The following VAV1 variants were observed in gnomAD, a reference collection of about 807,000 sequenced individuals.
The protein encoded by VAV1 is vav guanine nucleotide exchange factor 1, also known as proto-oncogene vav.
Under a neutral mutation model 128.1 loss-of-function variants are expected in VAV1, and 33 were observed. That is an observed-to-expected ratio of 0.26 (90% CI 0.20 to 0.34). The LOEUF (loss-of-function observed/expected upper bound fraction) is 0.34. Ranked by LOEUF, VAV1 falls within the 10% of genes least tolerant of loss-of-function variation. The pLI is 1.00. For synonymous variants in VAV1, 394 were observed against 409.8 expected, an observed-to-expected ratio of 0.96 and a Z score of 0.47; for missense variants, 715 against 1,093.7, an observed-to-expected ratio of 0.65 and a Z score of 4.88.
chr19:6,774,932 T>C (rs1358378204), intron 1 of VAV1, among the ~76,000 whole-genome samples: 1 of 150,626 alleles, frequency 6.6e-6, no homozygotes, highest in Non-Finnish European at 1.5e-5. Flanking sequence ...TTTTTTTTTT[T>C]TTTTTGTATT....
chr19:6,854,088 T>A lies in VAV1; in HGVS notation c.2474T>A (p.Ile825Asn). The A allele has an allele frequency of 6.2e-7, 1 of 1,612,556 alleles. No individual in the cohort carries two copies. Among genetic ancestry groups the A allele is most frequent in the Non-Finnish European group, 8.5e-7 (1 of 1,179,782 alleles). The change falls in exon 26 of 27, where the codon ATC (isoleucine) becomes AAC (asparagine). Residue 825 changes from isoleucine to asparagine, a missense_variant. Ile to Asn is a moderately radical substitution (Grantham distance 149). Transcript: ENST00000602142. The part of the protein sequence containing the change: ...KGQQGWWRGE[I>N]YGRVGWFPAN... ...CAGCAAGGCTGGTGGCGAGGGGAGA[T>A]CTATGGCCGGGTGAGGCAGGCAGGG...
rs1001295949 is a variant in VAV1 at position 6,822,029 on chromosome 19, G to A, written c.449+170G>A. On this transcript the variant is annotated intron_variant, in intron 4 of 26. Transcript: ENST00000602142. The surrounding 1 kb of genome is among the most constrained non-coding windows in gnomAD (Gnocchi z 5.9). ...GACACAGCCCTGCCCTGGGGTCTTG[G>A]GGGACATGGCACTGTCCTGGGGTCT... Among the ~76,000 whole-genome samples, 2 of 151,360 alleles carry A rather than the reference G, an allele frequency of 1.3e-5. No homozygotes were observed. The highest frequency in any genetic ancestry group is 3.0e-5 in the Non-Finnish European group (2 of 67,606).
At chr19:6,790,169 C>T (rs1448727295) in intron 1 of VAV1, among the ~76,000 whole-genome samples, 1 of 148,622 alleles carries the variant, frequency 6.7e-6, no homozygotes, top group East Asian at 2.0e-4. Flanking sequence ...GAGAGTGAGA[C>T]TCTGTCTCAA....
Position 6,785,048 on chromosome 19 carries a change from C to T in VAV1, c.204+12037C>T, listed in dbSNP as rs866297917. 3.9e-5 allele frequency among the ~76,000 whole-genome samples: 6 copies of T among 152,342 alleles called. No homozygotes were observed. The Middle Eastern group carries it at 0.01, about 259-fold the overall frequency. On this transcript the variant is annotated intron_variant, in intron 1 of 26. Coordinates refer to ENST00000602142, the MANE Select transcript of VAV1 (RefSeq NM_005428.4). ...ATTGCTCTCTGCACCGCAGCCAAATCGGCCACCCAGCACAATCCAGCCTCA... is the reference window on the plus strand; with the variant it reads ...ATTGCTCTCTGCACCGCAGCCAAATTGGCCACCCAGCACAATCCAGCCTCA...
intron 1 of VAV1, among the ~76,000 whole-genome samples, chr19:6,805,613 C>CACACACACACACACACAT (rs1491037827): frequency 6.7e-6 from 1 of 149,384 alleles, no homozygotes; most frequent in Non-Finnish European, 1.5e-5. Flanking sequence ...CACACACACA[C>CACACACACACACACACAT]ATACACGCAC....
chr19:6,781,132 G>A (rs1335461137), intron 1 of VAV1, among the ~76,000 whole-genome samples: 1 of 151,176 alleles, frequency 6.6e-6, no homozygotes, highest in South Asian at 2.1e-4. Context: ...CAAACTCCTG[G>A]CCTCAAGAGA....
chr19:6,799,076 C>G (rs1036611831), intron 1 of VAV1, among the ~76,000 whole-genome samples: 8 of 152,124 alleles, frequency 5.3e-5, no homozygotes, highest in African/African-American at 1.9e-4. Context: ...CTGGTTCATC[C>G]ATGTTGTTGT....
chr19:6,814,686 T>TCCTTCCTTCCTTCCTTCCTTTC (rs1568299290), intron 1 of VAV1, among the ~76,000 whole-genome samples: 1 of 117,970 alleles, frequency 8.5e-6, no homozygotes, highest in African/African-American at 4.0e-5. Flanking sequence ...CTTTCTTTCT[T>TCCTTCCTTCCTTCCTTCCTTTC]TCTTTCTTTC....
chr19:6,774,921 A>AT (rs61404391), intron 1 of VAV1, among the ~76,000 whole-genome samples: 2,991 of 137,346 alleles, frequency 0.022, 76 homozygotes, highest in African/African-American at 0.06. Context: ...TGCCTGCCTA[A>AT]TTTTTTTTTT....
chr19:6,811,796 G>A (rs1318898188), intron 1 of VAV1, among the ~76,000 whole-genome samples: 2 of 152,176 alleles, frequency 1.3e-5, no homozygotes, highest in Non-Finnish European at 2.9e-5. Flanking sequence ...ACCAGCTACT[G>A]TAACAAACAA....
intron 1 of VAV1, among the ~76,000 whole-genome samples, chr19:6,815,606 A>G (rs1454365300): frequency 1.3e-5 from 2 of 152,232 alleles, no homozygotes; most frequent in Non-Finnish European, 2.9e-5. Flanking sequence ...GAAGTGTGAG[A>G]AACAGGGTTA....
At chr19:6,795,837 C>A (rs1971120937) in intron 1 of VAV1, among the ~76,000 whole-genome samples, 1 of 152,212 alleles carries the variant, frequency 6.6e-6, no homozygotes. Flanking sequence ...GCGCGTGCCA[C>A]CGCGCCCAGC....
intron 23 of VAV1, among the ~76,000 whole-genome samples, chr19:6,848,516 C>G (rs1972582882): frequency 6.6e-6 from 1 of 151,076 alleles, no homozygotes; most frequent in South Asian, 2.1e-4. Flanking sequence ...GATTCTCCTG[C>G]CTCAGACCCC....
At chr19:6,854,169 G>A in intron 26 of VAV1, 71 bp downstream of exon 26, 2 of 1,571,962 alleles carry the variant, frequency 1.3e-6, no homozygotes, top group Non-Finnish European at 1.7e-6. Context: ...ACTGGAACTG[G>A]GGACTGGAGA....
In VAV1 at chr19:6,848,263, CTTCT is replaced by C. The variant is rs1972574516; in HGVS notation, c.2129+152_2129+155del. On this transcript the variant is annotated intron_variant, in intron 23 of 26. Coordinates refer to ENST00000602142, the MANE Select transcript of VAV1 (RefSeq NM_005428.4). ...CTGCTGGTTCCCACGTGCCTTTCAC[CTTCT>C]TTATTTCTTTTAATTGACGACCACA... 5.4e-6 allele frequency: 3 copies of C among 555,038 alleles called. 1 individual carries two copies. The East Asian group carries it at 1.0e-4, about 19-fold the overall frequency. The allele number at this position is 555,038 out of a possible 1,614,324, so 34.4% of individuals were successfully genotyped here. A position where few individuals can be genotyped will look rare whatever the true frequency, so the allele number is the denominator to read the frequency against.
At position 6,814,678 on chromosome 19, in the gene VAV1, T is replaced by C. The variant is rs796333689; in HGVS notation, c.205-6024T>C. ...TTCCTTCCTTCCTTCCTTCCTTTCTTTCTTTCTTTCTTTCTTTCTTTCTTT... is the reference window on the plus strand; with the variant it reads ...TTCCTTCCTTCCTTCCTTCCTTTCTCTCTTTCTTTCTTTCTTTCTTTCTTT... On this transcript the variant is annotated intron_variant, in intron 1 of 26. Coordinates refer to ENST00000602142, the MANE Select transcript of VAV1 (RefSeq NM_005428.4). 6.9e-4 allele frequency among the ~76,000 whole-genome samples: 72 copies of C among 104,260 alleles called. 2 individuals are homozygous for C. Among genetic ancestry groups the C allele is most frequent in the African/African-American group, 3.1e-3 (64 of 20,860 alleles). The allele number at this position is 104,260 out of a possible 152,430, so 68.4% of individuals were successfully genotyped here. A position where few individuals can be genotyped will look rare whatever the true frequency, so the allele number is the denominator to read the frequency against.
chr19:6,833,220 G>C lies in VAV1; in HGVS notation c.1545G>C (p.Gly515=). 4 of 1,613,362 alleles carry C rather than the reference G, an allele frequency of 2.5e-6. No homozygotes were observed. Among genetic ancestry groups the C allele is most frequent in the African/African-American group, 1.3e-5 (1 of 74,904 alleles). Residue 515 remains glycine, a synonymous_variant, in exon 16 of 27, where the codon GGG becomes GGC. Transcript: ENST00000602142. ...ATCCGGAGAATGCCACCGCCAACGG[G>C]CATGACTTCCAGATGTTCTCCTTTG... ...NIYPENATAN[G]HDFQMFSFEE... is the part of the protein sequence containing the mutation.
intron 1 of VAV1, among the ~76,000 whole-genome samples, chr19:6,810,107 A>C (rs561195487): frequency 6.9e-4 from 105 of 152,194 alleles, no homozygotes; most frequent in African/African-American, 2.3e-3. Flanking sequence ...TGAACCCAAA[A>C]GGTGGAGGCT....
intron 18 of VAV1, 60 bp downstream of exon 18, chr19:6,833,793 G>A: frequency 6.2e-7 from 1 of 1,613,758 alleles, no homozygotes; most frequent in Non-Finnish European, 8.5e-7. Context: ...GCGCGGGGAG[G>A]ACCCAGGACA....
Sources: gnomAD v4.1 joint callset for allele counts (sites outside exome capture counted in the v4.1 genomes callset) on GRCh38, gnomAD v4.1.1 for gene constraint, Gnocchi (gnomAD v3.1) non-coding constraint, MANE v1.5 for transcripts, NCBI Gene and HGNC (gene_info 2026-07-23, HGNC 2026-07-21) for gene names.